BRD7: variants seen among roughly 807,000 people sequenced by gnomAD.
BRD7 encodes bromodomain-containing protein 7.
Under a neutral mutation model 82.1 loss-of-function variants are expected in BRD7, and 15 were observed. That is an observed-to-expected ratio of 0.18 (90% confidence interval 0.12 to 0.28). BRD7 has a LOEUF of 0.28. BRD7 is among the 10% of genes least tolerant of loss of function. BRD7 has a pLI of 1.00. For missense variants in BRD7, 638 were observed against 779.9 expected, an observed-to-expected ratio of 0.82 and a Z score of 2.17; for synonymous variants, 232 against 266.9, an observed-to-expected ratio of 0.87 and a Z score of 1.27.
intron 2 of BRD7, chr16:50,361,940 C>T (rs1464904160): frequency 6.6e-6 from 1 of 152,140 alleles, no homozygotes; most frequent in Non-Finnish European, 1.5e-5. Context: ...CATCTAAAGG[C>T]AGCACATAAA....
chr16:50,341,177 T>TACACACACACAC (rs57755008), intron 5 of BRD7, among the ~76,000 whole-genome samples: 102 of 137,298 alleles, frequency 7.4e-4, no homozygotes, highest in African/African-American at 1.0e-3. Context: ...AGACCTTAAG[T>TACACACACACAC]ACACACACAC....
chr16:50,364,096 C>T (rs1454258900), intron 2 of BRD7, among the ~76,000 whole-genome samples: 1 of 151,884 alleles, frequency 6.6e-6, no homozygotes, highest in Non-Finnish European at 1.5e-5. Flanking sequence ...CAACATTTTC[C>T]GGTCTCCCTA....
chr16:50,357,197 G>T (rs1173043961), intron 2 of BRD7, among the ~76,000 whole-genome samples: 2 of 152,218 alleles, frequency 1.3e-5, no homozygotes, highest in Non-Finnish European at 1.5e-5. Flanking sequence ...TAGAGACAGA[G>T]AATTTGTACT....
chr16:50,355,284 C>G (rs1363478481), intron 2 of BRD7, among the ~76,000 whole-genome samples: 2 of 152,180 alleles, frequency 1.3e-5, no homozygotes, highest in African/African-American at 4.8e-5. Flanking sequence ...TTCATGAATT[C>G]AGAGTCAATC....
At chr16:50,328,523 T>C in intron 9 of BRD7, 146 bp downstream of exon 9, 2 of 592,236 alleles carry the variant, frequency 3.4e-6, no homozygotes, top group Non-Finnish European at 2.8e-6. Context: ...GCTGTTACCA[T>C]GAAATACATG....
intron 2 of BRD7, among the ~76,000 whole-genome samples, chr16:50,367,726 A>G (rs997705952): frequency 6.6e-6 from 1 of 152,098 alleles, no homozygotes; most frequent in African/African-American, 2.4e-5. Context: ...CAAACTTTAA[A>G]CCCCAGTAGA....
At chr16:50,331,852 C>A (rs1175706905) in intron 8 of BRD7, among the ~76,000 whole-genome samples, 1 of 152,146 alleles carries the variant, frequency 6.6e-6, no homozygotes, top group African/African-American at 2.4e-5. Context: ...TACATACAAC[C>A]GACTGATCTT....
At chr16:50,327,497 ACT>A (rs1446204989) in intron 9 of BRD7, among the ~76,000 whole-genome samples, 1 of 152,274 alleles carries the variant, frequency 6.6e-6, no homozygotes, top group Non-Finnish European at 1.5e-5. Flanking sequence ...CAAAGTAGAA[ACT>A]GAGTTTTGTT....
Position 50,320,183 on chromosome 16 carries a change from T to C in BRD7, c.1756+65A>G, listed in dbSNP as rs58387033. ...CATTACTCTATAGTGGCATCACCACTGTACTCAAGAAGTTTTTTCTTTGAA... is the reference window on the plus strand; with the variant it reads ...CATTACTCTATAGTGGCATCACCACCGTACTCAAGAAGTTTTTTCTTTGAA... On this transcript the variant is annotated intron_variant, in intron 15 of 16. Coordinates refer to ENST00000394688, the MANE Select transcript of BRD7 (RefSeq NM_013263.5). 2.1e-4 allele frequency: 323 copies of C among 1,560,670 alleles called. No homozygotes were observed. The African/African-American group carries it at 3.4e-3, about 16-fold the overall frequency.
At chr16:50,338,770 T>A (rs2151166038) in intron 6 of BRD7, among the ~76,000 whole-genome samples, 1 of 152,212 alleles carries the variant, frequency 6.6e-6, no homozygotes, top group South Asian at 2.1e-4. Flanking sequence ...GAACACTGAG[T>A]CCCAGGGTAG....
At chr16:50,351,314 T>C (rs2038513789) in intron 4 of BRD7, among the ~76,000 whole-genome samples, 1 of 152,212 alleles carries the variant, frequency 6.6e-6, no homozygotes, top group Non-Finnish European at 1.5e-5. Context: ...CTCAGGTCTA[T>C]GTGAATCTGC....
intron 9 of BRD7, 50 bp downstream of exon 9, chr16:50,328,619 T>A: frequency 6.5e-7 from 1 of 1,531,688 alleles, no homozygotes; most frequent in Non-Finnish European, 9.0e-7. Flanking sequence ...CAGGTTACTG[T>A]TCTCTGCCAA....
chr16:50,321,876 C>T (rs2037132893), intron 13 of BRD7, 106 bp downstream of exon 13: 1 of 1,033,620 alleles, frequency 9.7e-7, no homozygotes, highest in African/African-American at 1.6e-5. Flanking sequence ...ACTCTACTCA[C>T]TAACCTTTTT....
At chr16:50,350,351 T>C (rs979978639) in intron 4 of BRD7, among the ~76,000 whole-genome samples, 184 bp from the exon 5 acceptor site, 2 of 152,168 alleles carry the variant, frequency 1.3e-5, no homozygotes, top group African/African-American at 4.8e-5. Flanking sequence ...AACAAGGAAG[T>C]TTTACATACT....
intron 5 of BRD7, among the ~76,000 whole-genome samples, chr16:50,340,957 C>T (rs1458453436): frequency 2.0e-5 from 3 of 152,050 alleles, no homozygotes; most frequent in African/African-American, 7.2e-5. Context: ...ATTCAAATTC[C>T]ACTATTTAAT....
intron 7 of BRD7, 84 bp downstream of exon 7, chr16:50,334,627 C>A: frequency 6.6e-7 from 1 of 1,512,304 alleles, no homozygotes; most frequent in South Asian, 1.3e-5. Context: ...CTTGGTCTTC[C>A]CAAGTCAGGC....
At chr16:50,350,359 A>G (rs928296757) in intron 4 of BRD7, among the ~76,000 whole-genome samples, 192 bp from the exon 5 acceptor site, 5 of 152,220 alleles carry the variant, frequency 3.3e-5, no homozygotes, top group Admixed American at 2.6e-4. Context: ...AGTTTTACAT[A>G]CTAGCTGTAC....
intron 8 of BRD7, among the ~76,000 whole-genome samples, chr16:50,328,997 T>C (rs575192422): frequency 1.8e-4 from 27 of 152,256 alleles, no homozygotes; most frequent in African/African-American, 6.0e-4. Flanking sequence ...TCACATGAGG[T>C]CAGGTGTGGA....
chr16:50,326,277 G>A lies in BRD7; in HGVS notation c.1195+7C>T. Reference sequence around the variant, plus strand: ...GAGAAAAAATGACTCCTATGCAGGAGCCTCACCTGGAGTGACTTTGTTCCT... The same window carrying A: ...GAGAAAAAATGACTCCTATGCAGGAACCTCACCTGGAGTGACTTTGTTCCT... On this transcript the variant is annotated splice_region_variant and intron_variant, in intron 10 of 16. Transcript: ENST00000394688. The A allele has an allele frequency of 3.1e-6, 5 of 1,608,968 alleles. No homozygotes were observed. Among genetic ancestry groups the A allele is most frequent in the Non-Finnish European group, 4.3e-6 (5 of 1,176,152 alleles).
Sources: gnomAD v4.1 joint callset for allele counts (sites outside exome capture counted in the v4.1 genomes callset) on GRCh38, gnomAD v4.1.1 for gene constraint, MANE v1.5 for transcripts, NCBI Gene and HGNC (gene_info 2026-07-23, HGNC 2026-07-21) for gene names.